Variants in SLC9A9 observed in about 807,000 individuals in gnomAD.
The protein encoded by SLC9A9 is sodium/hydrogen exchanger 9.
In SLC9A9, 62 loss-of-function variants were observed where a neutral mutation model predicts 77.8. The ratio of observed to expected loss-of-function variants is 0.80; its 90% confidence interval spans 0.65 to 0.98. The LOEUF is 0.98. Ranked by LOEUF, SLC9A9 falls within the 50% of genes least tolerant of loss-of-function variation. SLC9A9 has a pLI of 0.00. For missense variants in SLC9A9, 775 were observed against 774.9 expected (o/e 1.00, Z 0.00); for synonymous variants, 320 against 283.5 (o/e 1.13, Z -1.29).
At chr3:143,635,700 C>T (rs2038509501) in intron 6 of SLC9A9, among the ~76,000 whole-genome samples, 1 of 152,266 alleles carries the variant, frequency 6.6e-6, no homozygotes, top group African/African-American at 2.4e-5. Context: ...CCCATTTTCC[C>T]CTGACCCATC....
At position 143,693,281 on chromosome 3, in the gene SLC9A9, G is replaced by A; in HGVS notation, c.560C>T (p.Ala187Val). The A allele has an allele frequency of 6.2e-7, 1 of 1,613,240 alleles. No homozygotes were observed. The highest frequency in any genetic ancestry group is 1.1e-5 in the South Asian group (1 of 91,064). The change falls in exon 5 of 16, where the codon GCT (alanine) becomes GTT (valine). Residue 187 changes from alanine to valine, a missense_variant. Coordinates refer to ENST00000316549, the MANE Select transcript of SLC9A9 (RefSeq NM_173653.4). ...IGLIMYGFVK[A>V]MIHAGQLKNG... Reference sequence around the variant, plus strand: ...TTTCAGCTGGCCAGCATGTATCATAGCCTTCACAAAACCATACATAATTAA... The same window carrying A: ...TTTCAGCTGGCCAGCATGTATCATAACCTTCACAAAACCATACATAATTAA...
At chr3:143,404,710 T>G (rs914096007) in intron 12 of SLC9A9, among the ~76,000 whole-genome samples, 4 of 152,212 alleles carry the variant, frequency 2.6e-5, no homozygotes, top group Admixed American at 2.6e-4. Context: ...GTAGCAATTT[T>G]GGATTCTCAT....
At chr3:143,760,111 A>T (rs1339405815) in intron 4 of SLC9A9, among the ~76,000 whole-genome samples, 1 of 152,170 alleles carries the variant, frequency 6.6e-6, no homozygotes, top group Non-Finnish European at 1.5e-5. Flanking sequence ...TATAGTAAAC[A>T]TTGGCTTTAT....
At position 143,834,316 on chromosome 3, in the gene SLC9A9, C is replaced by G. The variant is rs549453615; in HGVS notation, c.176-2095G>C. 8.6e-5 allele frequency among the ~76,000 whole-genome samples: 13 copies of G among 151,968 alleles called. No individual in the cohort carries two copies. In the East Asian group the frequency reaches 2.5e-3, roughly 30 times the overall value. ...GTTGAATGACGACAATAAAACTAGT[C>G]AGGAGCAAGAAGGGAACATAGATCA... On this transcript the variant is annotated intron_variant, in intron 1 of 15. Transcript: ENST00000316549.
At chr3:143,533,929 A>G (rs1462704784) in intron 9 of SLC9A9, among the ~76,000 whole-genome samples, 1 of 152,224 alleles carries the variant, frequency 6.6e-6, no homozygotes, top group East Asian at 1.9e-4. Context: ...ATAAGCATCC[A>G]TGAATAAATT....
At chr3:143,494,168 C>G (rs917523858) in intron 10 of SLC9A9, among the ~76,000 whole-genome samples, 1 of 152,180 alleles carries the variant, frequency 6.6e-6, no homozygotes, top group Non-Finnish European at 1.5e-5. Context: ...TTCATGTTTA[C>G]CATCTTCCTT....
intron 13 of SLC9A9, among the ~76,000 whole-genome samples, chr3:143,365,681 AG>A (rs2032881437): frequency 6.6e-6 from 1 of 152,188 alleles, no homozygotes; most frequent in African/African-American, 2.4e-5. Context: ...AAAGGAAACC[AG>A]GGTGTCTGGT....
At chr3:143,383,312 G>T (rs560279055) in intron 12 of SLC9A9, among the ~76,000 whole-genome samples, 1 of 152,280 alleles carries the variant, frequency 6.6e-6, no homozygotes, top group South Asian at 2.1e-4. Context: ...CTACTCCGGG[G>T]TGGACAGCAG....
chr3:143,631,121 A>T (rs2038416785), intron 6 of SLC9A9, among the ~76,000 whole-genome samples: 1 of 151,884 alleles, frequency 6.6e-6, no homozygotes. Context: ...TAAATAAATC[A>T]ATACCCAATT....
intron 9 of SLC9A9, among the ~76,000 whole-genome samples, chr3:143,497,663 C>T (rs919664622): frequency 6.6e-6 from 1 of 152,090 alleles, no homozygotes; most frequent in Non-Finnish European, 1.5e-5. Context: ...TCAATCTCTC[C>T]CAAAACAAAA....
intron 4 of SLC9A9, among the ~76,000 whole-genome samples, chr3:143,749,291 T>C (rs1396154120): frequency 1.3e-5 from 2 of 152,212 alleles, no homozygotes; most frequent in Non-Finnish European, 2.9e-5. Flanking sequence ...TTTCTTTCTC[T>C]ACTCCTGTTT....
intron 13 of SLC9A9, among the ~76,000 whole-genome samples, chr3:143,372,686 A>T (rs1213813132): frequency 9.2e-5 from 14 of 152,334 alleles, no homozygotes; most frequent in Non-Finnish European, 1.5e-5. Context: ...ACAGAATGGG[A>T]TAAAATATTT....
chr3:143,573,946 G>A, intron 8 of SLC9A9, 142 bp downstream of exon 8: 1 of 715,782 alleles, frequency 1.4e-6, no homozygotes, highest in Non-Finnish European at 2.5e-6. Context: ...GTACCCAAGA[G>A]AGGCTGATTC....
At chr3:143,482,258 G>C (rs1261992390) in intron 11 of SLC9A9, among the ~76,000 whole-genome samples, 2 of 152,186 alleles carry the variant, frequency 1.3e-5, no homozygotes, top group African/African-American at 4.8e-5. Flanking sequence ...CTATTTGAAT[G>C]TGAACGAGTG....
At chr3:143,483,247 T>A (rs2035602928) in intron 11 of SLC9A9, among the ~76,000 whole-genome samples, 1 of 152,206 alleles carries the variant, frequency 6.6e-6, no homozygotes, top group South Asian at 2.1e-4. Flanking sequence ...AGAAATTCAG[T>A]GTGGACCCTG....
chr3:143,266,286 G>A lies in SLC9A9; in HGVS notation c.*416C>T. On this transcript the variant is annotated 3_prime_UTR_variant, in exon 16 of 16. Transcript: ENST00000316549. ...ATTCCCTTCAGCTTAGGAGCAAAAT[G>A]TTTACTCTCAGAAGCTTTCTTTTAT... 1.7e-6 allele frequency: 1 copy of A among 589,594 alleles called. No individual in the cohort carries two copies. The highest frequency in any genetic ancestry group is 3.0e-6 in the Non-Finnish European group (1 of 332,532). The allele number at this position is 589,594 out of a possible 1,614,324, so 36.5% of individuals were successfully genotyped here.
chr3:143,779,038 T>C (rs1162537183), intron 4 of SLC9A9, among the ~76,000 whole-genome samples: 3 of 152,248 alleles, frequency 2.0e-5, no homozygotes, highest in Non-Finnish European at 4.4e-5. Context: ...ACTGGATTTA[T>C]AATAATTTCT....
At chr3:143,797,221 GATTT>G (rs1340095305) in intron 2 of SLC9A9, among the ~76,000 whole-genome samples, 5 of 49,394 alleles carry the variant, frequency 1.0e-4, no homozygotes, top group African/African-American at 2.3e-4. Context: ...TTCTTACAAG[GATTT>G]ATTTAAAGTT....
At chr3:143,575,852 G>A (rs1280045929) in intron 7 of SLC9A9, among the ~76,000 whole-genome samples, 3 of 152,192 alleles carry the variant, frequency 2.0e-5, no homozygotes, top group Non-Finnish European at 4.4e-5. Context: ...TGGGTAGGTG[G>A]TTAGGAAGGT....
Sources: gnomAD v4.1 joint callset for allele counts (sites outside exome capture counted in the v4.1 genomes callset) on GRCh38, gnomAD v4.1.1 for gene constraint, MANE v1.5 for transcripts, NCBI Gene and HGNC (gene_info 2026-07-23, HGNC 2026-07-21) for gene names.